Variants in STAU2 observed in about 807,000 individuals in gnomAD.
STAU2 encodes the protein double-stranded RNA-binding protein Staufen homolog 2.
A neutral mutation model predicts 65.9 loss-of-function variants in STAU2; 20 were observed. That is an observed-to-expected ratio of 0.30 (90% CI 0.21 to 0.44). STAU2 has a LOEUF of 0.44. Ranked by LOEUF, STAU2 falls within the 20% of genes least tolerant of loss-of-function variation. STAU2 has a pLI of 1.00. For synonymous variants in STAU2, 232 were observed against 233.9 expected, an observed-to-expected ratio of 0.99 and a Z score of 0.07; for missense variants, 558 against 683.9, an observed-to-expected ratio of 0.82 and a Z score of 2.05.
intron 12 of STAU2, among the ~76,000 whole-genome samples, chr8:73,553,502 A>G (rs1807487942): frequency 6.6e-6 from 1 of 152,258 alleles, no homozygotes; most frequent in Non-Finnish European, 1.5e-5. Flanking sequence ...ACACATTAGC[A>G]TAGTGAAGAA....
intron 12 of STAU2, among the ~76,000 whole-genome samples, chr8:73,563,600 G>T (rs1808390377): frequency 6.6e-6 from 1 of 151,994 alleles, no homozygotes; most frequent in East Asian, 1.9e-4. Flanking sequence ...CAAGGCAAAG[G>T]GTCCATAGGA....
chr8:73,738,200 GA>G lies in STAU2; in HGVS notation c.-18+83del, dbSNP rs1185992297. 14 of 1,259,956 alleles carry G rather than the reference GA, an allele frequency of 1.1e-5. No individual in the cohort carries two copies. The East Asian group carries it at 3.0e-4, about 27-fold the overall frequency. 78.0% of individuals were successfully genotyped at this position (1,259,956 alleles called of 1,614,324 possible). On this transcript the variant is annotated intron_variant, in intron 3 of 14. Transcript: ENST00000524300. ...AGTGATGAGTCAGGTTACAGTTATA[GA>G]AAAGAAAAGCTGAGTTAAAATGTTC...
intron 13 of STAU2, among the ~76,000 whole-genome samples, chr8:73,443,126 T>C (rs533319303): frequency 6.6e-6 from 1 of 152,152 alleles, no homozygotes; most frequent in Non-Finnish European, 1.5e-5. Context: ...TTGAAATAGA[T>C]TGTAGGCATA....
chr8:73,575,252 C>T (rs1414135876), intron 12 of STAU2, among the ~76,000 whole-genome samples: 1 of 152,048 alleles, frequency 6.6e-6, no homozygotes, highest in Admixed American at 6.6e-5. Flanking sequence ...TACATAGTCT[C>T]ATTCTTAATA....
intron 11 of STAU2, among the ~76,000 whole-genome samples, chr8:73,585,515 G>A (rs1034064176): frequency 6.6e-6 from 1 of 152,174 alleles, no homozygotes; most frequent in Admixed American, 6.5e-5. Flanking sequence ...TATCCAGTAG[G>A]TAACATATGA....
At chr8:73,668,859 T>G in intron 6 of STAU2, 1 of 493,844 alleles carries the variant, frequency 2.0e-6, no homozygotes, top group South Asian at 3.8e-5. Context: ...TTTGAATAAG[T>G]TCAAGTGGAG....
chr8:73,607,732 C>A lies in STAU2; in HGVS notation c.892-3869G>T, dbSNP rs1035779237. On this transcript the variant is annotated intron_variant, in intron 9 of 14. Coordinates refer to ENST00000524300, the MANE Select transcript of STAU2 (RefSeq NM_001164380.2). ...AGCCTGGGCAACAAGAGCGAAACTC[C>A]GTCTCAAAAAAAAAAAAAAAAGCAA... Among the ~76,000 whole-genome samples the A allele has an allele frequency of 1.3e-4, 19 of 144,384 alleles. No individual in the cohort carries two copies. The East Asian group carries it at 3.4e-3, about 26-fold the overall frequency. 94.7% of individuals were successfully genotyped at this position (144,384 alleles called of 152,430 possible).
At chr8:73,547,402 G>A (rs182404328) in intron 13 of STAU2, among the ~76,000 whole-genome samples, 1 of 151,782 alleles carries the variant, frequency 6.6e-6, no homozygotes, top group East Asian at 1.9e-4. Context: ...CTACAATTCT[G>A]CTGGTTTTTA....
rs187378431 is a variant in STAU2, at chr8:73,507,407, T to G, written c.1530+44605A>C. Among the ~76,000 whole-genome samples the G allele has an allele frequency of 9.3e-5, 14 of 150,614 alleles. No homozygotes were observed. In the East Asian group the frequency reaches 2.7e-3, roughly 29 times the overall value. On this transcript the variant is annotated intron_variant, in intron 13 of 14. Transcript: ENST00000524300. Reference sequence around the variant, plus strand: ...CTTGCATGACCAGGTACACTGTCAATGAGCAGACATCTTTTGAAAGAAGCC... The same window carrying G: ...CTTGCATGACCAGGTACACTGTCAAGGAGCAGACATCTTTTGAAAGAAGCC...
intron 13 of STAU2, among the ~76,000 whole-genome samples, chr8:73,478,046 A>T (rs34173861): frequency 0.12 from 18,240 of 149,022 alleles, 1,564 homozygotes; most frequent in African/African-American, 0.25. Context: ...ATATATATAT[A>T]TTTTTTTTTG....
chr8:73,438,778 G>C (rs73318759), intron 13 of STAU2, among the ~76,000 whole-genome samples: 1 of 152,200 alleles, frequency 6.6e-6, no homozygotes, highest in East Asian at 1.9e-4. Context: ...TGATACTCAG[G>C]GTTAGGCCCG....
In STAU2 at chr8:73,664,709, G is replaced by A. The variant is rs143355160; in HGVS notation, c.410+8398C>T. On this transcript the variant is annotated intron_variant, in intron 6 of 14. Coordinates refer to ENST00000524300, the MANE Select transcript of STAU2 (RefSeq NM_001164380.2). ...GATATTTTGTTAAGAATTTTTATCT[G>A]GCTGGGCATGGTGGCTCATGCCTGT... is the stretch of plus-strand genomic sequence containing the variant. 2.0e-5 allele frequency among the ~76,000 whole-genome samples: 3 copies of A among 152,212 alleles called. No homozygotes were observed. The East Asian group carries it at 5.8e-4, about 29-fold the overall frequency.
chr8:73,584,660 A>G (rs957167859), intron 11 of STAU2, among the ~76,000 whole-genome samples: 7 of 152,206 alleles, frequency 4.6e-5, no homozygotes, highest in Non-Finnish European at 1.0e-4. Flanking sequence ...AGCTAAAGAA[A>G]GGAATGAGCA....
chr8:73,523,808 T>C (rs1409008862), intron 13 of STAU2, among the ~76,000 whole-genome samples: 1 of 152,140 alleles, frequency 6.6e-6, no homozygotes, highest in Non-Finnish European at 1.5e-5. Flanking sequence ...GGGGGCCAAA[T>C]CATAGGAGTT....
intron 13 of STAU2, among the ~76,000 whole-genome samples, chr8:73,481,080 C>T (rs1237271069): frequency 6.6e-6 from 1 of 152,100 alleles, no homozygotes; most frequent in African/African-American, 2.4e-5. Flanking sequence ...TACCCACCTG[C>T]CAGGTTAAGA....
chr8:73,426,236 C>A (rs1260166857), intron 13 of STAU2, among the ~76,000 whole-genome samples: 1 of 151,624 alleles, frequency 6.6e-6, no homozygotes, highest in Non-Finnish European at 1.5e-5. Flanking sequence ...TGTTGCAATA[C>A]ACATAATGCA....
rs963224009 is a variant in STAU2 at position 73,593,862 on chromosome 8, CACAG to C, written c.1161+1300_1161+1303del. 5.2e-4 allele frequency among the ~76,000 whole-genome samples: 40 copies of C among 76,198 alleles called. 1 individual carries two copies. Among genetic ancestry groups the C allele is most frequent in the Admixed American group, 1.4e-3 (8 of 5,540 alleles). 50.0% of individuals were successfully genotyped at this position (76,198 alleles called of 152,430 possible). A position where few individuals can be genotyped will look rare whatever the true frequency, so the allele number is the denominator to read the frequency against. ...ATGGGCCAATTCCTTAATATATATA[CACAG>C]ACAGACACACACATACACACACACA... is the stretch of plus-strand genomic sequence containing the variant. On this transcript the variant is annotated intron_variant, in intron 11 of 14. Transcript: ENST00000524300.
chr8:73,495,034 C>G (rs1322361235), intron 13 of STAU2, among the ~76,000 whole-genome samples: 1 of 151,558 alleles, frequency 6.6e-6, no homozygotes, highest in African/African-American at 2.4e-5. Flanking sequence ...ATATTAAAAA[C>G]TTAAACTGTA....
chr8:73,452,820 A>T (rs1818868033), intron 13 of STAU2, among the ~76,000 whole-genome samples: 2 of 152,386 alleles, frequency 1.3e-5, no homozygotes, highest in African/African-American at 4.8e-5. Flanking sequence ...AATTAATGCA[A>T]ATTACAGTGT....
Sources: allele counts gnomAD v4.1 joint callset (sites outside exome capture counted in the v4.1 genomes callset), GRCh38; gene constraint gnomAD v4.1.1; transcripts MANE v1.5; gene names NCBI Gene and HGNC (gene_info 2026-07-23, HGNC 2026-07-21).